The following ATRN variants were observed in gnomAD, a reference collection of about 807,000 sequenced individuals.
ATRN encodes the protein attractin-2.
ATRN carries 54 observed loss-of-function variants against 178.7 expected under a neutral mutation model. The observed-to-expected ratio is 0.30, with a 90% CI of 0.24 to 0.38. The LOEUF is 0.38. ATRN is among the 10% of genes least tolerant of loss of function. ATRN has a pLI of 1.00. For synonymous variants in ATRN, 636 were observed against 663.0 expected, an observed-to-expected ratio of 0.96 and a Z score of 0.63; for missense variants, 1,443 against 1,815.1, an observed-to-expected ratio of 0.79 and a Z score of 3.73.
intron 16 of ATRN, among the ~76,000 whole-genome samples, chr20:3,583,193 T>C (rs898875977): frequency 6.6e-6 from 1 of 152,238 alleles, no homozygotes; most frequent in African/African-American, 2.4e-5. Context: ...TTCAGAATTC[T>C]GAATCCTTTG....
At chr20:3,536,445 A>T (rs2085534849) in intron 2 of ATRN, among the ~76,000 whole-genome samples, 1 of 152,100 alleles carries the variant, frequency 6.6e-6, no homozygotes, top group Admixed American at 6.6e-5. Flanking sequence ...TCCTGACCTC[A>T]AGTGATCCGC....
chr20:3,601,212 G>A (rs2086603522), intron 23 of ATRN, among the ~76,000 whole-genome samples, 188 bp downstream of exon 23: 2 of 152,128 alleles, frequency 1.3e-5, no homozygotes, highest in Admixed American at 6.5e-5. Context: ...TTATTCATCT[G>A]TAAAGTGAGG....
chr20:3,641,590 C>CAA (rs61692220), intron 27 of ATRN, among the ~76,000 whole-genome samples: 2,376 of 47,722 alleles, frequency 0.05, 224 homozygotes, highest in African/African-American at 0.085. Flanking sequence ...GACTCTGTCG[C>CAA]AAAAAAAAAA....
chr20:3,539,654 G>A (rs1010095492), intron 2 of ATRN, among the ~76,000 whole-genome samples: 3 of 152,170 alleles, frequency 2.0e-5, no homozygotes, highest in African/African-American at 7.2e-5. Flanking sequence ...TTTGCAGTTG[G>A]AGAGCAGAGA....
At position 3,537,585 on chromosome 20, in the gene ATRN, A is replaced by C. The variant is rs1212673369; in HGVS notation, c.494+2249A>C. On this transcript the variant is annotated intron_variant, in intron 2 of 28. Coordinates refer to ENST00000262919, the MANE Select transcript of ATRN (RefSeq NM_139321.3). ...GTGCAGGTTTGTTACATATGTATAC[A>C]TGTGCCATGTTGGTGTGCTGCACCC... 3.3e-5 allele frequency among the ~76,000 whole-genome samples: 5 copies of C among 150,878 alleles called. No individual in the cohort carries two copies. The East Asian group carries it at 9.7e-4, about 29-fold the overall frequency.
chr20:3,645,829 GC>G lies in ATRN; in HGVS notation c.4166-893del, dbSNP rs2087103675. Among the ~76,000 whole-genome samples, 1 of 151,648 alleles carries G rather than the reference GC, an allele frequency of 6.6e-6. No homozygotes were observed. On this transcript the variant is annotated intron_variant, in intron 28 of 28. Coordinates refer to ENST00000262919, the MANE Select transcript of ATRN (RefSeq NM_139321.3). This position sits in a 1 kb window ranked among gnomAD's most constrained non-coding sequence, Gnocchi z 4.7. ...CTAACACAACTCCTGGCAGGTCTCA[GC>G]AGAGCTCCGAGCCTGCGCTGGCCAT... is the stretch of plus-strand genomic sequence containing the variant.
intron 6 of ATRN, among the ~76,000 whole-genome samples, chr20:3,558,294 C>T (rs917334957): frequency 6.6e-5 from 10 of 151,974 alleles, no homozygotes; most frequent in Non-Finnish European, 1.5e-4. Context: ...ATGTTGCTGG[C>T]GTATATTTTT....
At position 3,648,167 on chromosome 20, in the gene ATRN, C is replaced by T. The variant is rs1252110153; in HGVS notation, c.*1320C>T. On this transcript the variant is annotated 3_prime_UTR_variant, in exon 29 of 29. Coordinates refer to ENST00000262919, the MANE Select transcript of ATRN (RefSeq NM_139321.3). ...AAGGACTTGTTTGCCCTCTTTCCCC[C>T]AGGAGGGGCTCGACCCACCCACCCT... The T allele has an allele frequency of 1.3e-5, 2 of 152,152 alleles. No individual in the cohort carries two copies. Among genetic ancestry groups the T allele is most frequent in the Non-Finnish European group, 2.9e-5 (2 of 68,050 alleles). The allele number at this position is 152,152 out of a possible 1,614,324, so 9.4% of individuals were successfully genotyped here.
At chr20:3,535,863 CAA>C (rs2085524744) in intron 2 of ATRN, among the ~76,000 whole-genome samples, 1 of 152,102 alleles carries the variant, frequency 6.6e-6, no homozygotes, top group Non-Finnish European at 1.5e-5. Context: ...CTCCTGACCT[CAA>C]GTGATCCGCT....
chr20:3,568,548 T>C (rs1057003673), intron 11 of ATRN, among the ~76,000 whole-genome samples: 6 of 152,140 alleles, frequency 3.9e-5, no homozygotes, highest in Non-Finnish European at 7.4e-5. Context: ...TTTGTTTTCA[T>C]TTTTCACAAC....
At chr20:3,575,263 T>C (rs678963) in intron 12 of ATRN, among the ~76,000 whole-genome samples, 108,575 of 152,168 alleles carry the variant, frequency 0.71, 39,253 homozygotes, top group East Asian at 1. Flanking sequence ...CATCCGGCCA[T>C]GCAGCTTCTC....
intron 25 of ATRN, among the ~76,000 whole-genome samples, chr20:3,628,708 A>G (rs983911344): frequency 2.6e-5 from 4 of 151,736 alleles, no homozygotes; most frequent in African/African-American, 7.3e-5. Flanking sequence ...TAAGCAGGAC[A>G]CTATATTGCC....
chr20:3,641,312 C>T (rs1384964840), intron 27 of ATRN, among the ~76,000 whole-genome samples: 1 of 151,870 alleles, frequency 6.6e-6, no homozygotes, highest in Non-Finnish European at 1.5e-5. Context: ...GAAAAGAGGC[C>T]GGGTGTGGTG....
chr20:3,611,146 C>T (rs577356459), intron 24 of ATRN, among the ~76,000 whole-genome samples: 4 of 152,160 alleles, frequency 2.6e-5, no homozygotes, highest in African/African-American at 4.8e-5. Flanking sequence ...TTTTTAGACT[C>T]GATACTAAAA....
At chr20:3,508,824 T>TA (rs2085083033) in intron 1 of ATRN, among the ~76,000 whole-genome samples, 1 of 152,132 alleles carries the variant, frequency 6.6e-6, no homozygotes, top group African/African-American at 2.4e-5. Context: ...AAGCAGCTGG[T>TA]ATAGGTGGAT....
chr20:3,588,981 GTT>G (rs386393128), intron 18 of ATRN, among the ~76,000 whole-genome samples: 9,005 of 99,432 alleles, frequency 0.091, 186 homozygotes, highest in African/African-American at 0.18. Flanking sequence ...ATTTTCTTTT[GTT>G]TTTTTTTTTT....
chr20:3,512,107 A>ATATATATATATTTTTTTT, intron 1 of ATRN, among the ~76,000 whole-genome samples: 1 of 106,394 alleles, frequency 9.4e-6, no homozygotes, highest in Non-Finnish European at 1.8e-5. Flanking sequence ...ATATATATAT[A>ATATATATATATTTTTTTT]TTTTTTTTTT....
intron 1 of ATRN, among the ~76,000 whole-genome samples, chr20:3,522,879 A>G (rs937383154): frequency 6.6e-6 from 1 of 152,190 alleles, no homozygotes; most frequent in Non-Finnish European, 1.5e-5. Flanking sequence ...ATCAACAAAA[A>G]GGACGTCCAT....
At chr20:3,546,232 A>T (rs1016383308) in intron 4 of ATRN, among the ~76,000 whole-genome samples, 1 of 152,186 alleles carries the variant, frequency 6.6e-6, no homozygotes, top group Non-Finnish European at 1.5e-5. Flanking sequence ...CAGCTCCACA[A>T]ATATTAGTAG....
Sources: allele counts gnomAD v4.1 joint callset (sites outside exome capture counted in the v4.1 genomes callset), GRCh38; gene constraint gnomAD v4.1.1; non-coding constraint Gnocchi (gnomAD v3.1); transcripts MANE v1.5; gene names NCBI Gene and HGNC (gene_info 2026-07-23, HGNC 2026-07-21).